KLRG1: variants seen among roughly 807,000 people sequenced by gnomAD.
KLRG1 encodes the protein killer cell lectin like receptor G1.
KLRG1 carries 16 observed loss-of-function variants against 21.8 expected under a neutral mutation model. The observed-to-expected ratio is 0.73, with a 90% confidence interval of 0.50 to 1.11. The LOEUF is 1.11. Among genes scored for constraint, KLRG1 ranks in the 50% most tolerant of loss-of-function variants. KLRG1 has a pLI of 0.00. For synonymous variants in KLRG1, 69 were observed against 75.9 expected (o/e 0.91, Z 0.47); for missense variants, 173 against 218.3 (o/e 0.79, Z 1.31).
the KLRG1 span, chr12:9,065,151 T>TCCCCCCCCCCCCCCCCCCCCCCCCCCC: frequency 1.9e-5 from 1 of 52,630 alleles, no homozygotes; most frequent in African/African-American, 9.0e-5. Flanking sequence ...ATTCCCTTCC[T>TCCCCCCCCCCCCCCCCCCCCCCCCCCC]CCCCCCCCCC....
At chr12:9,074,848 A>C in the KLRG1 span, 2 of 1,489,644 alleles carry the variant, frequency 1.3e-6, no homozygotes, top group South Asian at 1.3e-5. Flanking sequence ...AGGTGAAAGT[A>C]CCCAAGCCAG....
At chr12:9,105,451 T>C in the KLRG1 span, among the ~76,000 whole-genome samples, 1 of 152,242 alleles carries the variant, frequency 6.6e-6, no homozygotes, top group African/African-American at 2.4e-5. Flanking sequence ...TTCTAGAATG[T>C]ACTCCACTTT....
At chr12:9,164,306 C>T in the KLRG1 span, 71 of 1,582,294 alleles carry the variant, frequency 4.5e-5, no homozygotes, top group Middle Eastern at 1.7e-4. Context: ...GAATATGGAA[C>T]GACACGAACA....
At chr12:9,088,858 C>G in the KLRG1 span, among the ~76,000 whole-genome samples, 307 of 152,226 alleles carry the variant, frequency 2.0e-3, 1 homozygote, top group Non-Finnish European at 2.8e-3. Flanking sequence ...TAAATTCAGC[C>G]GTCCATAGTT....
At chr12:8,969,675 C>T (rs984514105) in intron 1 of KLRG1, among the ~76,000 whole-genome samples, 1 of 151,962 alleles carries the variant, frequency 6.6e-6, no homozygotes, top group Non-Finnish European at 1.5e-5. Context: ...AATAGAAAAA[C>T]AACAGAGAAA....
chr12:9,025,426 C>G, the KLRG1 span, among the ~76,000 whole-genome samples: 1 of 152,052 alleles, frequency 6.6e-6, no homozygotes, highest in African/African-American at 2.4e-5. Context: ...CACTTGAGGC[C>G]AGGAGTTTGA....
chr12:9,056,032 G>C, the KLRG1 span, among the ~76,000 whole-genome samples: 1 of 152,190 alleles, frequency 6.6e-6, no homozygotes, highest in African/African-American at 2.4e-5. Flanking sequence ...AGATGTAGAT[G>C]ATTTTGTATT....
chr12:9,192,503 C>T, the KLRG1 span: 1 of 1,606,894 alleles, frequency 6.2e-7, no homozygotes. Context: ...TCCATGGCCT[C>T]ATTCTTACCA....
At chr12:9,160,944 A>G in the KLRG1 span, 10 of 1,130,298 alleles carry the variant, frequency 8.8e-6, no homozygotes, top group Admixed American at 1.8e-4. Context: ...GCAGCTATCA[A>G]GAACTTGATA....
chr12:9,135,331 C>T, the KLRG1 span: 1 of 301,068 alleles, frequency 3.3e-6, no homozygotes. Context: ...TTGGACCGAG[C>T]AGTCAGGAGC....
At chr12:8,992,162 C>T (rs1946990067) in intron 1 of KLRG1, 44 bp from the exon 2 acceptor site, 4 of 1,506,564 alleles carry the variant, frequency 2.7e-6, no homozygotes, top group Non-Finnish European at 3.6e-6. Flanking sequence ...TTTCTTTCAA[C>T]CTGTCATCTG....
At chr12:9,214,220 C>G in the KLRG1 span, among the ~76,000 whole-genome samples, 7 of 151,936 alleles carry the variant, frequency 4.6e-5, no homozygotes, top group African/African-American at 1.7e-4. Context: ...ACCATGCTGT[C>G]TTGAGATTGC....
chr12:9,148,829 G>A, the KLRG1 span: 1 of 663,582 alleles, frequency 1.5e-6, no homozygotes, highest in Non-Finnish European at 2.6e-6. Context: ...AATGAATGAT[G>A]CAACAAGTGA....
At chr12:9,146,394 G>T in the KLRG1 span, among the ~76,000 whole-genome samples, 2 of 151,770 alleles carry the variant, frequency 1.3e-5, no homozygotes, top group African/African-American at 4.8e-5. Flanking sequence ...TTGTGGTTTT[G>T]TTGAAATTCT....
chr12:9,189,784 C>T, the KLRG1 span, among the ~76,000 whole-genome samples: 2 of 152,026 alleles, frequency 1.3e-5, no homozygotes, highest in South Asian at 2.1e-4. Flanking sequence ...AGAATTTAAA[C>T]ACATTTACAA....
At chr12:9,196,290 C>G in the KLRG1 span, 1 of 1,428,128 alleles carries the variant, frequency 7.0e-7, no homozygotes, top group Non-Finnish European at 9.9e-7. Context: ...TTAGGTGCAA[C>G]TGGATACTTT....
At chr12:9,091,354 C>T in the KLRG1 span, 1 of 1,614,210 alleles carries the variant, frequency 6.2e-7, no homozygotes, top group Non-Finnish European at 8.5e-7. Context: ...CATCTTCAGA[C>T]AGGCAGAAGG....
At chr12:9,112,759 T>C in the KLRG1 span, 1 of 537,670 alleles carries the variant, frequency 1.9e-6, no homozygotes, top group South Asian at 2.1e-5. Context: ...AGGTTGTAAG[T>C]GAGATTCACA....
At chr12:9,000,682 G>A (rs1031655158) in intron 3 of KLRG1, among the ~76,000 whole-genome samples, 4 of 152,086 alleles carry the variant, frequency 2.6e-5, no homozygotes, top group South Asian at 2.1e-4. Flanking sequence ...AGGTTCTTCC[G>A]TGTTGTAGCA....
Sources: gnomAD v4.1 joint callset for allele counts (sites outside exome capture counted in the v4.1 genomes callset) on GRCh38, gnomAD v4.1.1 for gene constraint, MANE v1.5 for transcripts, NCBI Gene and HGNC (gene_info 2026-07-23, HGNC 2026-07-21) for gene names.